SGCD: variants seen among roughly 807,000 people sequenced by gnomAD.
SGCD encodes the protein delta-sarcoglycan.
Under a neutral mutation model 36.6 loss-of-function variants are expected in SGCD, and 18 were observed. That is an observed-to-expected ratio of 0.49 (90% confidence interval 0.34 to 0.73). SGCD has a LOEUF of 0.73. Among genes scored for constraint, SGCD ranks in the 30% least tolerant of loss-of-function variants. SGCD has a pLI of 0.01. For missense variants in SGCD, 387 were observed against 346.7 expected, an observed-to-expected ratio of 1.12 and a Z score of -0.92; for synonymous variants, 133 against 130.6, an observed-to-expected ratio of 1.02 and a Z score of -0.12.
chr5:156,082,698 T>A (rs1760988130), intron 1 of SGCD, among the ~76,000 whole-genome samples: 1 of 152,218 alleles, frequency 6.6e-6, no homozygotes, highest in Non-Finnish European at 1.5e-5. Flanking sequence ...CGTGTTCTAG[T>A]TTTTGTGTGA....
Position 156,765,671 on chromosome 5 carries a change from A to G in SGCD, c.*6281A>G, listed in dbSNP as rs995703398. On this transcript the variant is annotated 3_prime_UTR_variant, in exon 9 of 9. Coordinates refer to ENST00000337851, the MANE Select transcript of SGCD (RefSeq NM_000337.6). ...TTGAGTTGGGTTTTAATATAGTTCC[A>G]ATATTCGGATGTGAAAACTGAGGCT... The G allele has an allele frequency of 6.6e-6, 1 of 152,174 alleles. No homozygotes were observed. Among genetic ancestry groups the G allele is most frequent in the Non-Finnish European group, 1.5e-5 (1 of 68,026 alleles). 9.4% of individuals were successfully genotyped at this position (152,174 alleles called of 1,614,324 possible).
rs1164469805 is a variant in SGCD, at chr5:156,761,509, G to T, written c.*2119G>T. On this transcript the variant is annotated 3_prime_UTR_variant, in exon 9 of 9. Transcript: ENST00000337851. ...CCAGAATCTGTATGTATCAATACAG[G>T]GTTTTTCCAAGCCAGGAAACGCCCT... 1 of 152,062 alleles carries T rather than the reference G, an allele frequency of 6.6e-6. No homozygotes were observed. Among genetic ancestry groups the T allele is most frequent in the African/African-American group, 2.4e-5 (1 of 41,380 alleles). The allele number at this position is 152,062 out of a possible 1,614,324, so 9.4% of individuals were successfully genotyped here. A position where few individuals can be genotyped will look rare whatever the true frequency, so the allele number is the denominator to read the frequency against.
intron 3 of SGCD, among the ~76,000 whole-genome samples, chr5:156,254,404 G>A (rs4704998): frequency 0.79 from 120,223 of 152,180 alleles, 47,906 homozygotes; most frequent in East Asian, 0.92. Flanking sequence ...TGCTCTAGTC[G>A]TTTTTAAAGC....
At chr5:155,995,240 C>A (rs930580262) in intron 1 of SGCD, among the ~76,000 whole-genome samples, 1 of 152,112 alleles carries the variant, frequency 6.6e-6, no homozygotes, top group African/African-American at 2.4e-5. Context: ...GAGCACATTT[C>A]TTTTCAGCTG....
intron 1 of SGCD, among the ~76,000 whole-genome samples, chr5:156,099,455 C>T (rs1209220123): frequency 6.6e-6 from 1 of 152,284 alleles, no homozygotes; most frequent in South Asian, 2.1e-4. Flanking sequence ...CACTTTGTCA[C>T]CCAGAGTGGA....
chr5:156,697,673 T>G (rs906913378), intron 7 of SGCD, among the ~76,000 whole-genome samples: 1 of 152,170 alleles, frequency 6.6e-6, no homozygotes, highest in African/African-American at 2.4e-5. Flanking sequence ...TCTGTGAGCT[T>G]TGTGAAAGCA....
At chr5:156,592,529 C>T (rs1262428663) in intron 5 of SGCD, among the ~76,000 whole-genome samples, 7 of 152,092 alleles carry the variant, frequency 4.6e-5, no homozygotes, top group Non-Finnish European at 7.4e-5. Context: ...ATTTCTCCTT[C>T]TCCTCACAGA....
At chr5:156,469,769 C>T (rs1208717275) in intron 3 of SGCD, among the ~76,000 whole-genome samples, 1 of 152,130 alleles carries the variant, frequency 6.6e-6, no homozygotes, top group Non-Finnish European at 1.5e-5. Flanking sequence ...AGCTCGCCAT[C>T]GATTTGATTG....
At chr5:156,337,512 G>A (rs941700968) in intron 2 of SGCD, among the ~76,000 whole-genome samples, 1 of 152,120 alleles carries the variant, frequency 6.6e-6, no homozygotes, top group Non-Finnish European at 1.5e-5. Flanking sequence ...TTGAGCTTCA[G>A]TTCTTCAGGC....
chr5:155,821,880 TAATAAC>T, the SGCD span, among the ~76,000 whole-genome samples: 1 of 152,168 alleles, frequency 6.6e-6, no homozygotes, highest in African/African-American at 2.4e-5. Context: ...GAGATAAAAA[TAATAAC>T]GATAATGCCT....
intron 3 of SGCD, among the ~76,000 whole-genome samples, chr5:156,190,577 C>T (rs999379679): frequency 1.3e-5 from 2 of 152,030 alleles, no homozygotes; most frequent in African/African-American, 4.8e-5. Context: ...TGGCATAATT[C>T]CAGGTGCTTG....
At chr5:155,967,271 G>C (rs1023324011) in intron 1 of SGCD, among the ~76,000 whole-genome samples, 1 of 151,992 alleles carries the variant, frequency 6.6e-6, no homozygotes, top group Non-Finnish European at 1.5e-5. Flanking sequence ...ATCATCTTGA[G>C]CCCTCAGTTT....
At chr5:156,397,715 G>C (rs1771934975) in intron 3 of SGCD, among the ~76,000 whole-genome samples, 1 of 152,176 alleles carries the variant, frequency 6.6e-6, no homozygotes, top group Admixed American at 6.5e-5. Flanking sequence ...AAATGTACAA[G>C]TTAACCAGCC....
chr5:156,754,022 G>A (rs1001924532), intron 7 of SGCD, among the ~76,000 whole-genome samples: 1 of 152,194 alleles, frequency 6.6e-6, no homozygotes, highest in African/African-American at 2.4e-5. Flanking sequence ...CTGCTTCCAG[G>A]AAATCATCAT....
chr5:156,313,938 A>G (rs573230246), intron 3 of SGCD, among the ~76,000 whole-genome samples: 1 of 152,100 alleles, frequency 6.6e-6, no homozygotes, highest in Admixed American at 6.6e-5. Context: ...CTTTTTTTCA[A>G]TTAAGTATTT....
Position 156,760,488 on chromosome 5 carries a change from A to G in SGCD, c.*1098A>G, listed in dbSNP as rs1757480868. 1 of 152,092 alleles carries G rather than the reference A, an allele frequency of 6.6e-6. No homozygotes were observed. The highest frequency in any genetic ancestry group is 1.5e-5 in the Non-Finnish European group (1 of 68,006). The allele number at this position is 152,092 out of a possible 1,614,324, so 9.4% of individuals were successfully genotyped here. On this transcript the variant is annotated 3_prime_UTR_variant, in exon 9 of 9. Coordinates refer to ENST00000337851, the MANE Select transcript of SGCD (RefSeq NM_000337.6). Reference sequence around the variant, plus strand: ...CTCTCTGACTTTGTTCTTCTTATATATTTTTTCAGTGCCGGGATATTCATA... The same window carrying G: ...CTCTCTGACTTTGTTCTTCTTATATGTTTTTTCAGTGCCGGGATATTCATA...
At chr5:156,745,492 T>TA (rs1285582365) in intron 7 of SGCD, among the ~76,000 whole-genome samples, 3 of 152,072 alleles carry the variant, frequency 2.0e-5, no homozygotes, top group African/African-American at 7.2e-5. Context: ...AATGCAGGCT[T>TA]CAAATAATTC....
intron 4 of SGCD, among the ~76,000 whole-genome samples, chr5:156,553,040 G>C (rs1341077609): frequency 6.6e-6 from 1 of 152,208 alleles, no homozygotes; most frequent in East Asian, 1.9e-4. Context: ...GCCTCAGGCT[G>C]CTTCCAAAAG....
In SGCD at chr5:156,395,534, T is replaced by G. The variant is rs551065660; in HGVS notation, c.192+50857T>G. ...TATTGTAGATGGGGGAATGGTTTTC[T>G]GGGAAGGTTGCTGCATTTTGTGGGA... On this transcript the variant is annotated intron_variant, in intron 3 of 8. Transcript: ENST00000337851. Among the ~76,000 whole-genome samples, 4 of 152,236 alleles carry G rather than the reference T, an allele frequency of 2.6e-5. No individual in the cohort carries two copies. In the East Asian group the frequency reaches 5.8e-4, roughly 22 times the overall value.
Sources: allele counts gnomAD v4.1 joint callset (sites outside exome capture counted in the v4.1 genomes callset), GRCh38; gene constraint gnomAD v4.1.1; transcripts MANE v1.5; gene names NCBI Gene and HGNC (gene_info 2026-07-23, HGNC 2026-07-21).